The following AFDN variants were observed in gnomAD, a reference collection of about 807,000 sequenced individuals.
AFDN encodes afadin, adherens junction formation factor, also known as afadin.
Under a neutral mutation model 216.6 loss-of-function variants are expected in AFDN, and 68 were observed. That is an observed-to-expected ratio of 0.31 (90% CI 0.26 to 0.38). The LOEUF (loss-of-function observed/expected upper bound fraction) is 0.38, where lower values mean the gene tolerates loss of function less well. Among genes scored for constraint, AFDN ranks in the 10% least tolerant of loss-of-function variants. The probability of loss-of-function intolerance (pLI) is 1.00; values close to 1 mark genes in which losing one functional copy is unlikely to be tolerated. For synonymous variants in AFDN, 868 were observed against 853.7 expected, an observed-to-expected ratio of 1.02 and a Z score of -0.29; for missense variants, 2,136 against 2,342.0, an observed-to-expected ratio of 0.91 and a Z score of 1.82.
At chr6:167,844,177 AGTGTGTGTGTGTGTGTGT>A (rs71004173) in intron 1 of AFDN, among the ~76,000 whole-genome samples, 6 of 141,694 alleles carry the variant, frequency 4.2e-5, no homozygotes, top group South Asian at 4.9e-4. Flanking sequence ...TCAAAAATGA[AGTGTGTGTGTGTGTGTGT>A]GTGTGTGTGT....
chr6:167,958,520 T>C (rs1796737389), intron 30 of AFDN, among the ~76,000 whole-genome samples: 1 of 152,246 alleles, frequency 6.6e-6, no homozygotes, highest in South Asian at 2.1e-4. Context: ...CAGGTTTGTC[T>C]TGTTAACACG....
At chr6:167,943,586 C>CTT in intron 25 of AFDN, 111 bp downstream of exon 25, 2 of 835,198 alleles carry the variant, frequency 2.4e-6, no homozygotes, top group South Asian at 2.9e-5. Context: ...TCATATTACT[C>CTT]TTTACCTTTT....
chr6:167,948,633 G>T (rs923255229), intron 29 of AFDN, among the ~76,000 whole-genome samples, 155 bp downstream of exon 29: 2 of 152,170 alleles, frequency 1.3e-5, no homozygotes, highest in African/African-American at 4.8e-5. Flanking sequence ...AAAGGAGACA[G>T]GATAGAATAC....
At chr6:167,902,686 A>C (rs1233483612) in intron 12 of AFDN, among the ~76,000 whole-genome samples, 1 of 152,242 alleles carries the variant, frequency 6.6e-6, no homozygotes, top group Non-Finnish European at 1.5e-5. Flanking sequence ...GAGGTATGTT[A>C]ATTTGGTCTC....
intron 16 of AFDN, 129 bp downstream of exon 16, chr6:167,913,552 A>G: frequency 1.2e-6 from 1 of 824,312 alleles, no homozygotes; most frequent in Admixed American, 2.4e-5. Context: ...CAACTGAGAC[A>G]TGCAGTACTA....
intron 16 of AFDN, 179 bp downstream of exon 16, chr6:167,913,602 A>G: frequency 1.7e-6 from 1 of 579,952 alleles, no homozygotes; most frequent in Non-Finnish European, 3.0e-6. Flanking sequence ...GGCATTTCAT[A>G]ATTTCTGCTT....
Position 167,884,903 on chromosome 6 carries a change from G to A in AFDN, c.898-4312G>A, listed in dbSNP as rs142327001. ...TAGATGGCTGCTTTTTCCAATAGAA[G>A]GCTGTTTCATCTTCATTGAAAATCT... On this transcript the variant is annotated intron_variant, in intron 6 of 33. Coordinates refer to ENST00000683244, the MANE Select transcript of AFDN (RefSeq NM_001386888.1). 3.3e-3 allele frequency among the ~76,000 whole-genome samples: 505 copies of A among 152,308 alleles called. 2 individuals carry two copies. Among genetic ancestry groups the A allele is most frequent in the Non-Finnish European group, 4.7e-3 (320 of 68,024 alleles).
In AFDN at chr6:167,969,797, A is replaced by T. The variant is rs1412942182; in HGVS notation, c.5358A>T (p.Ser1786=). 67 of 1,610,462 alleles carry T rather than the reference A, an allele frequency of 4.2e-5. No homozygotes were observed. Among genetic ancestry groups the T allele is most frequent in the Non-Finnish European group, 5.6e-5 (66 of 1,179,190 alleles). ...TCTTCTGCAGCCAAGATGCAGATTCACCTGGAAGTTCTGGGGCCCCTGAAA... is the reference window on the plus strand; with the variant it reads ...TCTTCTGCAGCCAAGATGCAGATTCTCCTGGAAGTTCTGGGGCCCCTGAAA... ...EKRSKSQDAD[S]PGSSGAPENL... The change falls in exon 34 of 34, where the codon TCA becomes TCT. Residue 1786 remains serine (S), a synonymous_variant. Transcript: ENST00000683244.
chr6:167,962,305 G>A lies in AFDN; in HGVS notation c.4834-128G>A. The A allele has an allele frequency of 7.8e-7, 1 of 1,277,010 alleles. No individual in the cohort carries two copies. The highest frequency in any genetic ancestry group is 1.0e-6 in the Non-Finnish European group (1 of 963,646). The allele number at this position is 1,277,010 out of a possible 1,614,324, so 79.1% of individuals were successfully genotyped here. A position where few individuals can be genotyped will look rare whatever the true frequency, so the allele number is the denominator to read the frequency against. ...ATTTTCCAACAGTGATTTTAACCTG[G>A]TATTTTATATTTAACTTTCTGTGTG... On this transcript the variant is annotated intron_variant, in intron 30 of 33. Transcript: ENST00000683244. This position sits in a 1 kb window ranked among gnomAD's most constrained non-coding sequence, Gnocchi z 5.2.
chr6:167,888,501 A>G (rs1035613966), intron 6 of AFDN, among the ~76,000 whole-genome samples: 5 of 152,344 alleles, frequency 3.3e-5, no homozygotes, highest in Non-Finnish European at 4.4e-5. Flanking sequence ...AAAGTCTAGA[A>G]GAATATTGGA....
At chr6:167,830,053 A>AGATTGAT (rs1779654505) in intron 1 of AFDN, among the ~76,000 whole-genome samples, 1 of 152,210 alleles carries the variant, frequency 6.6e-6, no homozygotes, top group South Asian at 2.1e-4. Context: ...TATAACCAGG[A>AGATTGAT]GATTGATGCT....
intron 5 of AFDN, among the ~76,000 whole-genome samples, chr6:167,878,407 G>GA (rs1785660642): frequency 6.6e-6 from 1 of 152,046 alleles, no homozygotes; most frequent in East Asian, 1.9e-4. Context: ...GTGCCTTCTG[G>GA]TGTCATGGAA....
chr6:167,846,729 T>C (rs1352244556), intron 1 of AFDN, among the ~76,000 whole-genome samples: 11 of 148,598 alleles, frequency 7.4e-5, no homozygotes, highest in Admixed American at 2.0e-4. Context: ...TTTTTTTTTT[T>C]CAATGTATCT....
intron 30 of AFDN, chr6:167,952,505 CA>C (rs1269856902): frequency 1.0e-6 from 1 of 985,198 alleles, no homozygotes; most frequent in African/African-American, 1.7e-5. Context: ...TGTTAATGAC[CA>C]GTAATAATCT....
chr6:167,840,644 G>A (rs1780959609), intron 1 of AFDN, among the ~76,000 whole-genome samples: 1 of 152,226 alleles, frequency 6.6e-6, no homozygotes, highest in Non-Finnish European at 1.5e-5. Flanking sequence ...TGTTTTCATA[G>A]CATCATGTTG....
rs1411895754 is a variant in AFDN at position 167,948,007 on chromosome 6, C to T, written c.3645+63C>T. The T allele has an allele frequency of 3.2e-6, 4 of 1,233,338 alleles. No homozygotes were observed. The East Asian group carries it at 9.3e-5, about 29-fold the overall frequency. 76.4% of individuals were successfully genotyped at this position (1,233,338 alleles called of 1,614,324 possible). On this transcript the variant is annotated intron_variant, in intron 28 of 33. Coordinates refer to ENST00000683244, the MANE Select transcript of AFDN (RefSeq NM_001386888.1). Reference sequence around the variant, plus strand: ...TTCCATCCTTAGGGTTCCCTTTGGACATCTCAGTTATCTAGTACAATTTTT... The same window carrying T: ...TTCCATCCTTAGGGTTCCCTTTGGATATCTCAGTTATCTAGTACAATTTTT...
In AFDN at chr6:167,943,406, G is replaced by T; in HGVS notation, c.3170G>T (p.Gly1057Val). The T allele has an allele frequency of 6.2e-7, 1 of 1,614,100 alleles. No homozygotes were observed. The highest frequency in any genetic ancestry group is 8.5e-7 in the Non-Finnish European group (1 of 1,179,958). The change falls in exon 25 of 34, where the codon GGA (glycine) becomes GTA (valine). Residue 1057 changes from glycine (G) to valine (V), a missense_variant. Around this residue, in one of 8 missense-constraint regions of AFDN, gnomAD observed 74 missense variants for 98.8 expected, o/e 0.75. Transcript: ENST00000683244. The stretch of plus-strand genomic sequence containing the variant: ...CACACCTGTGGATTTGCCTAGGATG[G>T]ACGTCTAGCTGCAGGTGATCAGCTC... ...VVKGGAADVD[G>V]RLAAGDQLLS...
At chr6:167,876,463 A>G (rs1785394202) in intron 5 of AFDN, among the ~76,000 whole-genome samples, 1 of 152,248 alleles carries the variant, frequency 6.6e-6, no homozygotes, top group African/African-American at 2.4e-5. Flanking sequence ...GTCTGAAAGA[A>G]AATACAAAGA....
chr6:167,947,476 G>A (rs559914553), intron 27 of AFDN, among the ~76,000 whole-genome samples: 1 of 152,118 alleles, frequency 6.6e-6, no homozygotes, highest in African/African-American at 2.4e-5. Context: ...ACCATGCCCA[G>A]CCAATATTTT....
Sources: allele counts gnomAD v4.1 joint callset (sites outside exome capture counted in the v4.1 genomes callset), GRCh38; gene constraint gnomAD v4.1.1; regional missense constraint gnomAD v4.1.1; non-coding constraint Gnocchi (gnomAD v3.1); transcripts MANE v1.5; gene names NCBI Gene and HGNC (gene_info 2026-07-23, HGNC 2026-07-21).